Variants in NTM observed in about 807,000 individuals in gnomAD.
NTM encodes neurotrimin.
Under a neutral mutation model 42.1 loss-of-function variants are expected in NTM, and 13 were observed. That is an observed-to-expected ratio of 0.31 (90% CI 0.20 to 0.49). The LOEUF (loss-of-function observed/expected upper bound fraction) is 0.49, where lower values mean the gene tolerates loss of function less well. Ranked by LOEUF, NTM falls within the 20% of genes least tolerant of loss-of-function variation. The pLI is 0.99. For synonymous variants in NTM, 187 were observed against 179.2 expected, an observed-to-expected ratio of 1.04 and a Z score of -0.35; for missense variants, 373 against 452.8, an observed-to-expected ratio of 0.82 and a Z score of 1.60.
At chr11:131,647,618 T>A (rs2065925725) in intron 1 of NTM, among the ~76,000 whole-genome samples, 1 of 152,226 alleles carries the variant, frequency 6.6e-6, no homozygotes, top group Non-Finnish European at 1.5e-5. Context: ...ATAAATCATG[T>A]CCATTTAATA....
intron 1 of NTM, among the ~76,000 whole-genome samples, chr11:131,451,292 C>A (rs528809673): frequency 1.3e-5 from 2 of 152,184 alleles, no homozygotes; most frequent in Admixed American, 1.3e-4. Flanking sequence ...AGCATATGCA[C>A]AAAAGAGAAC....
At chr11:131,418,373 A>G (rs950880584) in intron 1 of NTM, among the ~76,000 whole-genome samples, 1 of 152,232 alleles carries the variant, frequency 6.6e-6, no homozygotes, top group Non-Finnish European at 1.5e-5. Context: ...GCAGTGATGC[A>G]TGCTAGAAGC....
At chr11:131,616,661 C>T (rs1393012571) in intron 1 of NTM, among the ~76,000 whole-genome samples, 1 of 152,172 alleles carries the variant, frequency 6.6e-6, no homozygotes, top group Non-Finnish European at 1.5e-5. Flanking sequence ...CTCTTCCCCA[C>T]CCGGCTCCTC....
chr11:131,780,442 G>A (rs905855863), intron 1 of NTM, among the ~76,000 whole-genome samples: 4 of 152,104 alleles, frequency 2.6e-5, no homozygotes, highest in African/African-American at 9.7e-5. Flanking sequence ...TGGACATGTG[G>A]AGTTTGAGAT....
At chr11:132,316,442 C>T (rs967595425) in intron 7 of NTM, among the ~76,000 whole-genome samples, 8 of 152,158 alleles carry the variant, frequency 5.3e-5, no homozygotes, top group Non-Finnish European at 1.0e-4. Flanking sequence ...ACGTTTCTAC[C>T]ATTGCCAGCT....
intron 4 of NTM, among the ~76,000 whole-genome samples, chr11:132,304,550 T>C (rs1418263261): frequency 6.6e-6 from 1 of 152,080 alleles, no homozygotes; most frequent in East Asian, 1.9e-4. Flanking sequence ...CAGATTGCAG[T>C]TTAGTGTTTT....
At chr11:132,062,009 T>C (rs547149078) in intron 2 of NTM, among the ~76,000 whole-genome samples, 5 of 152,224 alleles carry the variant, frequency 3.3e-5, no homozygotes, top group African/African-American at 1.2e-4. Context: ...CCACTAACCA[T>C]GCAGAAGCCA....
chr11:131,873,588 GTA>G (rs1411565223), intron 1 of NTM, among the ~76,000 whole-genome samples: 1 of 35,572 alleles, frequency 2.8e-5, no homozygotes. Flanking sequence ...TATATATACC[GTA>G]TATATATACA....
intron 8 of NTM, among the ~76,000 whole-genome samples, chr11:132,333,899 GTTTTGA>G (rs2095844347): frequency 6.6e-6 from 1 of 152,354 alleles, no homozygotes; most frequent in African/African-American, 2.4e-5. Flanking sequence ...TGAGAAGCCT[GTTTTGA>G]TTTTGATTTG....
chr11:132,188,576 T>C (rs1361722125), intron 3 of NTM, among the ~76,000 whole-genome samples: 1 of 152,154 alleles, frequency 6.6e-6, no homozygotes, highest in Admixed American at 6.5e-5. Flanking sequence ...ATTATCTTTA[T>C]TATGCATTTT....
At chr11:132,296,593 A>T (rs1296875005) in intron 4 of NTM, among the ~76,000 whole-genome samples, 1 of 152,180 alleles carries the variant, frequency 6.6e-6, no homozygotes, top group Non-Finnish European at 1.5e-5. Flanking sequence ...AGACGTCGCC[A>T]TACTGAGGAT....
At chr11:132,187,594 T>G (rs1244868857) in intron 3 of NTM, among the ~76,000 whole-genome samples, 1 of 152,168 alleles carries the variant, frequency 6.6e-6, no homozygotes, top group African/African-American at 2.4e-5. Context: ...AGCAGCTAAC[T>G]ACCCTGTGCT....
chr11:131,994,242 C>T (rs1412541321), intron 2 of NTM, among the ~76,000 whole-genome samples: 1 of 152,148 alleles, frequency 6.6e-6, no homozygotes, highest in African/African-American at 2.4e-5. Context: ...TATCTGTCTT[C>T]CCTACCTAAT....
chr11:131,490,138 A>T (rs1025706989), intron 1 of NTM, among the ~76,000 whole-genome samples: 1 of 152,202 alleles, frequency 6.6e-6, no homozygotes. Context: ...TACCGGGAGA[A>T]TGACACCAAG....
intron 1 of NTM, among the ~76,000 whole-genome samples, chr11:131,649,635 C>T (rs75533931): frequency 3.3e-5 from 5 of 152,068 alleles, no homozygotes; most frequent in Admixed American, 1.3e-4. Flanking sequence ...GCAGAAACAC[C>T]GTAGATAGTA....
At chr11:131,636,992 C>G (rs2064482901) in intron 1 of NTM, among the ~76,000 whole-genome samples, 1 of 152,072 alleles carries the variant, frequency 6.6e-6, no homozygotes, top group Non-Finnish European at 1.5e-5. Flanking sequence ...GAGGAAGAAC[C>G]CAGATTGCCC....
chr11:132,112,906 T>G (rs2063411144), intron 2 of NTM, among the ~76,000 whole-genome samples: 1 of 152,156 alleles, frequency 6.6e-6, no homozygotes, highest in Non-Finnish European at 1.5e-5. Flanking sequence ...TTGGTCACAG[T>G]TGGGGAAACA....
intron 1 of NTM, among the ~76,000 whole-genome samples, chr11:131,882,178 G>A (rs1443213577): frequency 6.6e-6 from 1 of 152,208 alleles, no homozygotes; most frequent in Non-Finnish European, 1.5e-5. Flanking sequence ...GTGTGTATGT[G>A]TATGTATGTG....
At chr11:132,268,317 G>A (rs1186733630) in intron 4 of NTM, among the ~76,000 whole-genome samples, 6 of 152,058 alleles carry the variant, frequency 3.9e-5, no homozygotes, top group Admixed American at 1.3e-4. Flanking sequence ...TGCTAGCTAC[G>A]TATACACTAT....
Sources: allele counts gnomAD v4.1 joint callset (sites outside exome capture counted in the v4.1 genomes callset), GRCh38; gene constraint gnomAD v4.1.1; transcripts MANE v1.5; gene names NCBI Gene and HGNC (gene_info 2026-07-23, HGNC 2026-07-21).